Variants in ESRRG observed in about 807,000 individuals in gnomAD.
ESRRG encodes the protein estrogen-related receptor gamma.
In ESRRG, 13 loss-of-function variants were observed where a neutral mutation model predicts 44.0. That is an observed-to-expected ratio of 0.30 (90% CI 0.19 to 0.47). The LOEUF is 0.47. Among genes scored for constraint, ESRRG ranks in the 20% least tolerant of loss-of-function variants. The pLI, the probability that ESRRG is intolerant of heterozygous loss-of-function variation, is 1.00. For synonymous variants in ESRRG, 215 were observed against 214.6 expected, an observed-to-expected ratio of 1.00 and a Z score of -0.02; for missense variants, 395 against 580.6, an observed-to-expected ratio of 0.68 and a Z score of 3.29.
intron 1 of ESRRG, among the ~76,000 whole-genome samples, chr1:216,678,228 A>G (rs949977776): frequency 2.0e-5 from 3 of 152,174 alleles, no homozygotes; most frequent in Non-Finnish European, 2.9e-5. Context: ...AGCCTGCAAA[A>G]CTTAGTGACT....
intron 2 of ESRRG, among the ~76,000 whole-genome samples, chr1:216,659,864 C>T (rs148959330): frequency 1.8e-4 from 28 of 152,292 alleles, no homozygotes; most frequent in African/African-American, 6.0e-4. Flanking sequence ...TCTTTGAGGG[C>T]AGCGTCTTAC....
rs188996984 is a variant in ESRRG, at chr1:216,909,240, C to G, written c.-14+30342G>C. ...ATCATCATCTATGAGGCAGTGATAA[C>G]TATAAAATCTCAATCAAAAGCACAT... is the stretch of plus-strand genomic sequence containing the variant. On this transcript the variant is annotated intron_variant, in intron 2 of 7. Coordinates refer to the ESRRG transcript ENST00000359162. Among the ~76,000 whole-genome samples, 303 of 152,250 alleles carry G rather than the reference C, an allele frequency of 2.0e-3. 1 individual carries two copies. Among genetic ancestry groups the G allele is most frequent in the Non-Finnish European group, 3.5e-3 (235 of 68,016 alleles).
intron 2 of ESRRG, among the ~76,000 whole-genome samples, chr1:216,744,040 G>A (rs767798146): frequency 2.6e-5 from 4 of 152,094 alleles, no homozygotes; most frequent in Non-Finnish European, 5.9e-5. Context: ...TTTATCTGCT[G>A]TATTCCTCTT....
intron 2 of ESRRG, among the ~76,000 whole-genome samples, chr1:216,828,326 AGT>A (rs2095431275): frequency 6.6e-6 from 1 of 152,154 alleles, no homozygotes; most frequent in Admixed American, 6.5e-5. Context: ...AAACCCTGAA[AGT>A]ACCTTAATGC....
At chr1:216,658,851 AAGAGAAG>A (rs2071388609) in intron 2 of ESRRG, among the ~76,000 whole-genome samples, 1 of 9,918 alleles carries the variant, frequency 1.0e-4, no homozygotes, top group African/African-American at 2.5e-4. Flanking sequence ...AAAGTAAAAG[AAGAGAAG>A]AGAAGAGAAG....
chr1:216,780,971 G>A lies in ESRRG; in HGVS notation c.-13-103480C>T, dbSNP rs75377265. Among the ~76,000 whole-genome samples, 1,129 of 151,988 alleles carry A rather than the reference G, an allele frequency of 7.4e-3. 53 individuals are homozygous for A. In the East Asian group the frequency reaches 0.13, roughly 18 times the overall value. On this transcript the variant is annotated intron_variant, in intron 2 of 7. Coordinates refer to the ESRRG transcript ENST00000359162. ...GGATCCTGTACCTTTCTACTTTGGC[G>A]CTAAATTCAACTAGTATAATTTCAA...
At chr1:216,972,736 A>G (rs1025787267) in intron 1 of ESRRG, among the ~76,000 whole-genome samples, 2 of 152,242 alleles carry the variant, frequency 1.3e-5, no homozygotes, top group African/African-American at 4.8e-5. Context: ...TAATGTCACT[A>G]GGCCACTGTT....
At chr1:216,972,841 C>T (rs977234691) in intron 1 of ESRRG, among the ~76,000 whole-genome samples, 4 of 152,062 alleles carry the variant, frequency 2.6e-5, no homozygotes, top group African/African-American at 7.2e-5. Context: ...AGTGCAGGTG[C>T]GTGTAAAAGT....
At chr1:216,734,440 C>T (rs1294405294) in intron 2 of ESRRG, among the ~76,000 whole-genome samples, 3 of 152,088 alleles carry the variant, frequency 2.0e-5, no homozygotes, top group African/African-American at 7.2e-5. Context: ...TGTGTTCTCA[C>T]TCTGGTAGTT....
intron 1 of ESRRG, chr1:216,707,274 C>A: frequency 7.0e-7 from 1 of 1,433,044 alleles, no homozygotes. Context: ...AAAAATCAAA[C>A]CATATACAAG....
intron 2 of ESRRG, among the ~76,000 whole-genome samples, chr1:216,867,701 A>G (rs977729764): frequency 6.6e-6 from 1 of 152,168 alleles, no homozygotes; most frequent in African/African-American, 2.4e-5. Flanking sequence ...CCTCTTCTCC[A>G]CTATACTGTA....
chr1:216,935,702 T>C (rs7554541), intron 2 of ESRRG, among the ~76,000 whole-genome samples: 30,779 of 151,692 alleles, frequency 0.2, 3,251 homozygotes, highest in African/African-American at 0.24. Flanking sequence ...CTGCAACCTC[T>C]GCCTCCCAAG....
intron 2 of ESRRG, among the ~76,000 whole-genome samples, chr1:216,657,504 T>C (rs1279533042): frequency 1.3e-5 from 2 of 152,160 alleles, no homozygotes; most frequent in Non-Finnish European, 2.9e-5. Context: ...CATTTTGACA[T>C]GAAGCCCGAT....
At chr1:216,592,380 T>A (rs2057800020) in intron 3 of ESRRG, among the ~76,000 whole-genome samples, 5 of 152,224 alleles carry the variant, frequency 3.3e-5, no homozygotes. Context: ...AAAAAGTTAC[T>A]GTTGCCTGGA....
intron 2 of ESRRG, among the ~76,000 whole-genome samples, chr1:216,814,893 T>G (rs1267376595): frequency 6.6e-6 from 1 of 152,238 alleles, no homozygotes; most frequent in Non-Finnish European, 1.5e-5. Flanking sequence ...GAGGAGATAC[T>G]GATTGAAAAC....
chr1:216,522,555 C>T (rs1013021709), intron 5 of ESRRG, among the ~76,000 whole-genome samples: 2 of 151,850 alleles, frequency 1.3e-5, no homozygotes, highest in Non-Finnish European at 2.9e-5. Flanking sequence ...GCCCAAATGC[C>T]TGAGCAGCAG....
chr1:216,514,835 T>C (rs531326636), intron 6 of ESRRG, among the ~76,000 whole-genome samples: 19 of 152,006 alleles, frequency 1.2e-4, no homozygotes, highest in Non-Finnish European at 2.8e-4. Flanking sequence ...AAAAAGGAAA[T>C]GTCTACAGAA....
intron 2 of ESRRG, among the ~76,000 whole-genome samples, chr1:216,785,325 T>A (rs2094088050): frequency 6.6e-6 from 1 of 152,090 alleles, no homozygotes; most frequent in African/African-American, 2.4e-5. Flanking sequence ...TCAATCTTTC[T>A]CTTTAGGAGG....
intron 6 of ESRRG, among the ~76,000 whole-genome samples, chr1:216,516,985 G>T (rs949095378): frequency 3.3e-5 from 5 of 152,110 alleles, no homozygotes; most frequent in Non-Finnish European, 5.9e-5. Flanking sequence ...CACAGTAGAG[G>T]TGGCACAATT....
Sources: allele counts gnomAD v4.1 joint callset (sites outside exome capture counted in the v4.1 genomes callset), GRCh38; gene constraint gnomAD v4.1.1; transcripts MANE v1.5; gene names NCBI Gene and HGNC (gene_info 2026-07-23, HGNC 2026-07-21).